The following LRRC4C variants were observed in gnomAD, a reference collection of about 807,000 sequenced individuals.
LRRC4C encodes the protein leucine rich repeat containing 4C, also known as leucine-rich repeat-containing protein 4C.
A neutral mutation model predicts 33.6 loss-of-function variants in LRRC4C; 5 were observed. That is an observed-to-expected ratio of 0.15 (90% CI 0.08 to 0.31). The LOEUF (loss-of-function observed/expected upper bound fraction) is 0.31, where lower values mean the gene tolerates loss of function less well. LRRC4C is among the 10% of genes least tolerant of loss of function. The pLI is 1.00. For synonymous variants in LRRC4C, 329 were observed against 302.0 expected (o/e 1.09, Z -0.93); for missense variants, 560 against 796.7 (o/e 0.70, Z 3.58).
intron 6 of LRRC4C, among the ~76,000 whole-genome samples, chr11:40,120,768 T>C (rs571531165): frequency 5.6e-4 from 85 of 152,134 alleles, no homozygotes; most frequent in African/African-American, 2.0e-3. Context: ...GTTTGCTACC[T>C]TTTTCTTTTT....
At chr11:41,056,383 G>T (rs1351255251) in intron 1 of LRRC4C, among the ~76,000 whole-genome samples, 1 of 152,090 alleles carries the variant, frequency 6.6e-6, no homozygotes, top group East Asian at 1.9e-4. Flanking sequence ...GACATCAAAA[G>T]CAATTACAAT....
intron 4 of LRRC4C, among the ~76,000 whole-genome samples, chr11:40,283,152 A>G (rs1943594386): frequency 6.6e-6 from 1 of 152,252 alleles, no homozygotes; most frequent in Admixed American, 6.5e-5. Flanking sequence ...CCACACCTAC[A>G]GTAAGCCTAT....
intron 2 of LRRC4C, among the ~76,000 whole-genome samples, chr11:40,675,366 G>A (rs1035889132): frequency 2.6e-5 from 4 of 152,072 alleles, no homozygotes; most frequent in East Asian, 3.9e-4. Context: ...TTTTATGATC[G>A]TTAAGACTCA....
intron 2 of LRRC4C, among the ~76,000 whole-genome samples, chr11:40,799,441 G>A (rs1359152153): frequency 6.6e-6 from 1 of 152,096 alleles, no homozygotes; most frequent in Admixed American, 6.5e-5. Context: ...AAAGATCATT[G>A]ACCTTGCAGT....
chr11:40,919,722 T>C (rs919182962), intron 2 of LRRC4C, among the ~76,000 whole-genome samples: 1 of 152,152 alleles, frequency 6.6e-6, no homozygotes, highest in Non-Finnish European at 1.5e-5. Context: ...AACAAGTTTG[T>C]GTAGGATTAA....
intron 2 of LRRC4C, among the ~76,000 whole-genome samples, chr11:40,874,427 A>G (rs955441150): frequency 6.6e-6 from 1 of 152,108 alleles, no homozygotes; most frequent in African/African-American, 2.4e-5. Flanking sequence ...GAGCTGCCCT[A>G]TCCAAATGGA....
chr11:40,448,314 C>T (rs1403438543), intron 3 of LRRC4C, among the ~76,000 whole-genome samples: 1 of 152,140 alleles, frequency 6.6e-6, no homozygotes, highest in Non-Finnish European at 1.5e-5. Flanking sequence ...AGGTTTGTTA[C>T]ATAAGTATAC....
intron 3 of LRRC4C, among the ~76,000 whole-genome samples, chr11:40,368,122 T>C (rs1030374907): frequency 6.6e-6 from 1 of 152,100 alleles, no homozygotes; most frequent in African/African-American, 2.4e-5. Context: ...GATTATAAAG[T>C]GGGATAAATA....
intron 1 of LRRC4C, among the ~76,000 whole-genome samples, chr11:41,438,429 A>C (rs1480943429): frequency 1.3e-5 from 2 of 152,216 alleles, no homozygotes; most frequent in Admixed American, 1.3e-4. Flanking sequence ...AGATGGAAGA[A>C]AACACTGAGA....
intron 3 of LRRC4C, among the ~76,000 whole-genome samples, chr11:40,423,068 T>A (rs1950577579): frequency 6.6e-6 from 1 of 152,150 alleles, no homozygotes; most frequent in East Asian, 1.9e-4. Flanking sequence ...TATAACAGTA[T>A]GAGAGTTCAC....
intron 3 of LRRC4C, among the ~76,000 whole-genome samples, chr11:40,367,950 A>G (rs1948284385): frequency 6.6e-6 from 1 of 152,130 alleles, no homozygotes; most frequent in Non-Finnish European, 1.5e-5. Flanking sequence ...AGACATCAAC[A>G]AAGATCCAAA....
At chr11:40,399,689 T>TA (rs555710204) in intron 3 of LRRC4C, among the ~76,000 whole-genome samples, 53 of 151,842 alleles carry the variant, frequency 3.5e-4, no homozygotes, top group South Asian at 6.3e-4. Context: ...ATAATAATAA[T>TA]AAAAAACCAC....
At chr11:41,311,192 T>C (rs1225498024) in intron 1 of LRRC4C, among the ~76,000 whole-genome samples, 3 of 150,312 alleles carry the variant, frequency 2.0e-5, no homozygotes, top group Non-Finnish European at 4.4e-5. Flanking sequence ...TAGAACCACA[T>C]TTTTTTTTAT....
chr11:40,252,907 T>C (rs1866899434), intron 4 of LRRC4C, among the ~76,000 whole-genome samples: 1 of 152,150 alleles, frequency 6.6e-6, no homozygotes, highest in Non-Finnish European at 1.5e-5. Context: ...AATAGGAGAC[T>C]TTAGGCTCAC....
chr11:41,216,471 A>G (rs116537122), intron 1 of LRRC4C, among the ~76,000 whole-genome samples: 5,424 of 152,232 alleles, frequency 0.036, 142 homozygotes, highest in African/African-American at 0.063. Context: ...AAAAAAAAAA[A>G]AAAAGGTAGG....
chr11:41,213,570 A>C (rs1434715985), intron 1 of LRRC4C, among the ~76,000 whole-genome samples: 1 of 152,226 alleles, frequency 6.6e-6, no homozygotes, highest in Non-Finnish European at 1.5e-5. Flanking sequence ...ATTTAGTGCT[A>C]CAAATTTAGA....
chr11:41,183,195 T>G (rs1332325103), intron 1 of LRRC4C, among the ~76,000 whole-genome samples: 2 of 152,104 alleles, frequency 1.3e-5, no homozygotes, highest in Non-Finnish European at 2.9e-5. Flanking sequence ...CCAAATCTCA[T>G]GTCTTCACAT....
At chr11:40,885,734 G>T (rs947607702) in intron 2 of LRRC4C, among the ~76,000 whole-genome samples, 7 of 152,186 alleles carry the variant, frequency 4.6e-5, no homozygotes, top group Middle Eastern at 3.4e-3. Context: ...CATTCTAAAA[G>T]AATGCATCTA....
chr11:41,074,770 A>G (rs953325145), intron 1 of LRRC4C, among the ~76,000 whole-genome samples: 5 of 152,144 alleles, frequency 3.3e-5, no homozygotes, highest in Admixed American at 2.6e-4. Context: ...CTGCTTGTCC[A>G]TTAGCAATGA....
Sources: allele counts gnomAD v4.1 joint callset (sites outside exome capture counted in the v4.1 genomes callset), GRCh38; gene constraint gnomAD v4.1.1; transcripts MANE v1.5; gene names NCBI Gene and HGNC (gene_info 2026-07-23, HGNC 2026-07-21).